The following ANK3 variants were observed in gnomAD, a reference collection of about 807,000 sequenced individuals.
ANK3 encodes ankyrin-3.
ANK3 carries 57 observed loss-of-function variants against 370.9 expected under a neutral mutation model. That is an observed-to-expected ratio of 0.15 (90% CI 0.12 to 0.19). ANK3 has a LOEUF of 0.19. Among genes scored for constraint, ANK3 ranks in the 10% least tolerant of loss-of-function variants. ANK3 has a pLI of 1.00. For missense variants in ANK3, 4,439 were observed against 5,302.1 expected (o/e 0.84, Z 5.06); for synonymous variants, 1,929 against 1,946.3 (o/e 0.99, Z 0.23).
chr10:60,031,549 C>T (rs972552113), intron 43 of ANK3, among the ~76,000 whole-genome samples: 17 of 152,296 alleles, frequency 1.1e-4, no homozygotes, highest in South Asian at 4.1e-4. Context: ...AGATACAGCT[C>T]CTATAGAAAT....
chr10:60,417,316 T>C (rs148496387), intron 2 of ANK3, among the ~76,000 whole-genome samples: 13 of 151,724 alleles, frequency 8.6e-5, no homozygotes, highest in Non-Finnish European at 1.5e-4. Flanking sequence ...TGACGGGGGG[T>C]CAGCTGAGAA....
At chr10:60,420,333 G>T (rs1367177880) in intron 2 of ANK3, among the ~76,000 whole-genome samples, 2 of 152,066 alleles carry the variant, frequency 1.3e-5, no homozygotes, top group Non-Finnish European at 2.9e-5. Flanking sequence ...CATGTTTAAG[G>T]CACTGACCCA....
At chr10:60,558,835 C>T (rs1374954896) in intron 2 of ANK3, among the ~76,000 whole-genome samples, 1 of 151,980 alleles carries the variant, frequency 6.6e-6, no homozygotes, top group Non-Finnish European at 1.5e-5. Context: ...AATATTTGTA[C>T]AGCTCAAAAG....
Position 60,373,073 on chromosome 10 carries a change from T to C in ANK3, c.114+16352A>G, listed in dbSNP as rs569121810. Among the ~76,000 whole-genome samples, 5 of 152,372 alleles carry C rather than the reference T, an allele frequency of 3.3e-5. No homozygotes were observed. In the South Asian group the frequency reaches 1.0e-3, roughly 32 times the overall value. On this transcript the variant is annotated intron_variant, in intron 1 of 43. Transcript: ENST00000280772. ...TATGAATTTGAGTAAAAAGTGATCC[T>C]CTTGCACATGCAATATTTTAGTTAC...
Position 60,173,071 on chromosome 10 carries a change from A to AAAAGGAAGGAGC in ANK3, c.2283+5_2283+16dup. On this transcript the variant is annotated intron_variant, in intron 19 of 43. Transcript: ENST00000280772. ...AAATAAATGATTCTGGCAGAAACAA[A>AAAAGGAAGGAGC]AAAGGAAGGAGCTTACCTTTGTTTT... 6.2e-7 allele frequency: 1 copy of AAAAGGAAGGAGC among 1,611,442 alleles called. No homozygotes were observed. Among genetic ancestry groups the AAAAGGAAGGAGC allele is most frequent in the Non-Finnish European group, 8.5e-7 (1 of 1,178,626 alleles).
intron 23 of ANK3, among the ~76,000 whole-genome samples, chr10:60,148,201 A>G (rs981388826): frequency 1.5e-4 from 23 of 152,142 alleles, no homozygotes; most frequent in Non-Finnish European, 2.5e-4. Context: ...GCCATTATTC[A>G]TTCCACAGAA....
chr10:60,147,211 C>T (rs926933173), intron 23 of ANK3, among the ~76,000 whole-genome samples: 3 of 152,134 alleles, frequency 2.0e-5, no homozygotes, highest in Non-Finnish European at 2.9e-5. Flanking sequence ...CTGGAGGACC[C>T]GCAAGCCTTG....
At position 60,318,318 on chromosome 10, in the gene ANK3, C is replaced by T. The variant is rs530222666; in HGVS notation, c.115-38679G>A. Among the ~76,000 whole-genome samples, 64 of 152,248 alleles carry T rather than the reference C, an allele frequency of 4.2e-4. No individual in the cohort carries two copies. The South Asian group carries it at 5.6e-3, about 13-fold the overall frequency. ...AGCTTTATAAACATTTCCTAGAGTG[C>T]CCTTCTTAACAGTTCACAGTGCATT... is the stretch of plus-strand genomic sequence containing the variant. On this transcript the variant is annotated intron_variant, in intron 1 of 43. Transcript: ENST00000280772.
At chr10:60,410,661 C>T (rs1192159978) in intron 2 of ANK3, among the ~76,000 whole-genome samples, 2 of 151,926 alleles carry the variant, frequency 1.3e-5, no homozygotes, top group Non-Finnish European at 2.9e-5. Context: ...CCTTAAAAAC[C>T]TCTCACCCAA....
chr10:60,261,615 G>A, intron 7 of ANK3, among the ~76,000 whole-genome samples: 1 of 152,120 alleles, frequency 6.6e-6, no homozygotes, highest in East Asian at 1.9e-4. Context: ...TTCTATATAT[G>A]CATTTATAGA....
At chr10:60,058,414 A>G (rs550266143) in intron 41 of ANK3, among the ~76,000 whole-genome samples, 1 of 152,342 alleles carries the variant, frequency 6.6e-6, no homozygotes, top group East Asian at 1.9e-4. Context: ...GGTAAAGACA[A>G]ATGTTCATCA....
intron 1 of ANK3, among the ~76,000 whole-genome samples, chr10:60,696,021 A>G (rs1366442232): frequency 1.5e-4 from 22 of 151,012 alleles, no homozygotes; most frequent in African/African-American, 5.1e-4. Flanking sequence ...TAATAAAGAA[A>G]AAAAGAGAGA....
At chr10:60,054,471 C>G (rs1176893504) in intron 42 of ANK3, among the ~76,000 whole-genome samples, 2 of 151,992 alleles carry the variant, frequency 1.3e-5, no homozygotes, top group African/African-American at 4.8e-5. Context: ...ATCATTTAAG[C>G]AACTGATTAC....
At chr10:60,610,027 T>C (rs1367727595) in intron 2 of ANK3, among the ~76,000 whole-genome samples, 1 of 151,964 alleles carries the variant, frequency 6.6e-6, no homozygotes, top group Non-Finnish European at 1.5e-5. Context: ...TCTAGAAAAA[T>C]ATTCACCACC....
chr10:60,360,893 C>T (rs1330910237), intron 1 of ANK3, among the ~76,000 whole-genome samples: 1 of 151,866 alleles, frequency 6.6e-6, no homozygotes, highest in Non-Finnish European at 1.5e-5. Flanking sequence ...CTATGATCTA[C>T]CCATGAAAGA....
At chr10:60,580,551 T>A (rs2077737021) in intron 2 of ANK3, among the ~76,000 whole-genome samples, 1 of 152,246 alleles carries the variant, frequency 6.6e-6, no homozygotes, top group African/African-American at 2.4e-5. Context: ...TGATTCTGTA[T>A]GAAAATTTAT....
rs146096054 is a variant in ANK3, at chr10:60,305,175, C to T, written c.115-25536G>A. Among the ~76,000 whole-genome samples the T allele has an allele frequency of 1.4e-4, 21 of 152,228 alleles. No homozygotes were observed. In the East Asian group the frequency reaches 3.1e-3, roughly 22 times the overall value. On this transcript the variant is annotated intron_variant, in intron 1 of 43. Transcript: ENST00000280772. The stretch of plus-strand genomic sequence containing the variant: ...CTTCCATAAACTTCCAGGACACACC[C>T]CAAGCTCAGCTAACTTCCCTGAAGC...
intron 1 of ANK3, among the ~76,000 whole-genome samples, chr10:60,313,791 T>C (rs999309181): frequency 1.3e-5 from 2 of 152,218 alleles, no homozygotes; most frequent in African/African-American, 4.8e-5. Context: ...ACAAAGTTTA[T>C]AAATCACCTC....
intron 2 of ANK3, among the ~76,000 whole-genome samples, chr10:60,578,487 C>G (rs1449919003): frequency 6.6e-6 from 1 of 152,058 alleles, no homozygotes. Context: ...AATAAAGATC[C>G]TAAATGATTT....
Sources: allele counts gnomAD v4.1 joint callset (sites outside exome capture counted in the v4.1 genomes callset), GRCh38; gene constraint gnomAD v4.1.1; transcripts MANE v1.5; gene names NCBI Gene and HGNC (gene_info 2026-07-23, HGNC 2026-07-21).